Variants in WWOX observed in about 807,000 individuals in gnomAD.
WWOX encodes the protein WW domain containing oxidoreductase, also known as WW domain-containing oxidoreductase.
In WWOX, 69 loss-of-function variants were observed where a neutral mutation model predicts 46.2. The observed-to-expected ratio is 1.49, with a 90% CI of 1.23 to 1.82. The LOEUF is 1.82. Ranked by LOEUF, WWOX falls within the 40% of genes most tolerant of loss-of-function variation. WWOX has a pLI of 0.00. For missense variants in WWOX, 919 were observed against 542.6 expected, an observed-to-expected ratio of 1.69 and a Z score of -6.89; for synonymous variants, 359 against 202.6, an observed-to-expected ratio of 1.77 and a Z score of -6.56.
chr16:78,670,249 C>A (rs2047428096), intron 8 of WWOX, among the ~76,000 whole-genome samples: 1 of 152,124 alleles, frequency 6.6e-6, no homozygotes, highest in South Asian at 2.1e-4. Context: ...GAATGCCAGC[C>A]ACTCTTCTAC....
intron 8 of WWOX, among the ~76,000 whole-genome samples, chr16:78,757,306 T>C (rs917083860): frequency 2.7e-5 from 4 of 149,130 alleles, no homozygotes; most frequent in East Asian, 2.0e-4. Flanking sequence ...AACCAGTTAA[T>C]TGTTACTTTC....
At chr16:78,685,333 C>A (rs969609641) in intron 8 of WWOX, among the ~76,000 whole-genome samples, 4 of 152,100 alleles carry the variant, frequency 2.6e-5, no homozygotes, top group African/African-American at 9.7e-5. Flanking sequence ...TAATAACTTT[C>A]ATTCTGTGAT....
At chr16:78,961,082 T>C (rs930917092) in intron 8 of WWOX, among the ~76,000 whole-genome samples, 2 of 152,120 alleles carry the variant, frequency 1.3e-5, no homozygotes, top group African/African-American at 4.8e-5. Flanking sequence ...GACTCAGGTG[T>C]TCTCAGCTCA....
At chr16:78,464,002 G>C (rs1050060239) in intron 8 of WWOX, among the ~76,000 whole-genome samples, 3 of 152,156 alleles carry the variant, frequency 2.0e-5, no homozygotes, top group African/African-American at 7.2e-5. Flanking sequence ...TGATCTGGCG[G>C]TCAGAACCTA....
chr16:78,479,593 C>G (rs756513097), intron 8 of WWOX, among the ~76,000 whole-genome samples: 1 of 152,124 alleles, frequency 6.6e-6, no homozygotes, highest in Admixed American at 6.5e-5. Flanking sequence ...ATGTCCCATT[C>G]CCTAGAATAG....
chr16:79,161,144 T>G (rs1375505075), intron 8 of WWOX, among the ~76,000 whole-genome samples: 2 of 152,210 alleles, frequency 1.3e-5, no homozygotes, highest in African/African-American at 2.4e-5. Context: ...ATAAGGCAAT[T>G]CTGGACTCAC....
At chr16:79,143,764 G>A (rs1166240210) in intron 8 of WWOX, among the ~76,000 whole-genome samples, 5 of 152,116 alleles carry the variant, frequency 3.3e-5, no homozygotes, top group Admixed American at 1.3e-4. Context: ...GGAAACTGGG[G>A]CACAGAGGTG....
At chr16:78,802,046 G>C (rs931390820) in intron 8 of WWOX, among the ~76,000 whole-genome samples, 44 of 152,058 alleles carry the variant, frequency 2.9e-4, no homozygotes, top group African/African-American at 9.9e-4. Context: ...GCTTCTCCTG[G>C]CTCTGCTGGT....
At chr16:78,420,437 A>G (rs2082897086) in intron 6 of WWOX, among the ~76,000 whole-genome samples, 1 of 152,180 alleles carries the variant, frequency 6.6e-6, no homozygotes, top group Admixed American at 6.5e-5. Context: ...TTTGCCCATT[A>G]AAAAGAAATG....
At chr16:78,470,052 G>C (rs898488668) in intron 8 of WWOX, among the ~76,000 whole-genome samples, 9 of 152,186 alleles carry the variant, frequency 5.9e-5, no homozygotes, top group African/African-American at 2.2e-4. Flanking sequence ...GTTTATGTAA[G>C]ATCCATAATG....
chr16:78,280,673 G>T (rs1019056012), intron 5 of WWOX, among the ~76,000 whole-genome samples: 1 of 151,860 alleles, frequency 6.6e-6, no homozygotes, highest in Non-Finnish European at 1.5e-5. Flanking sequence ...GGGGGTGGGA[G>T]GTGCCCCACT....
At chr16:78,677,424 G>C (rs542685090) in intron 8 of WWOX, among the ~76,000 whole-genome samples, 1 of 152,246 alleles carries the variant, frequency 6.6e-6, no homozygotes, top group Admixed American at 6.5e-5. Flanking sequence ...GCTTGCCAAC[G>C]TTTTCAAGTT....
intron 8 of WWOX, among the ~76,000 whole-genome samples, chr16:79,192,558 G>T (rs561477662): frequency 1.3e-5 from 2 of 152,334 alleles, no homozygotes; most frequent in Non-Finnish European, 2.9e-5. Context: ...ATTGGTCAAG[G>T]AAAGGTTTAG....
At chr16:78,679,288 C>T (rs1396024254) in intron 8 of WWOX, among the ~76,000 whole-genome samples, 4 of 152,144 alleles carry the variant, frequency 2.6e-5, no homozygotes, top group South Asian at 2.1e-4. Context: ...CAGTGGGTTG[C>T]GCCTGTAATC....
Position 79,073,203 on chromosome 16 carries a change from G to A in WWOX, c.1057-138405G>A, listed in dbSNP as rs1347889817. 6.1e-5 allele frequency among the ~76,000 whole-genome samples: 9 copies of A among 147,090 alleles called. 1 individual carries two copies. The highest frequency in any genetic ancestry group is 2.0e-4 in the African/African-American group (8 of 40,090). ...TTATTATTATTATTACTGAGACACCGTTTTACTCTCTCTTTGCCCAGGCTG... is the reference window on the plus strand; with the variant it reads ...TTATTATTATTATTACTGAGACACCATTTTACTCTCTCTTTGCCCAGGCTG... On this transcript the variant is annotated intron_variant, in intron 8 of 8. Transcript: ENST00000566780.
chr16:78,930,557 C>G (rs1420911061), intron 8 of WWOX, among the ~76,000 whole-genome samples: 1 of 149,132 alleles, frequency 6.7e-6, no homozygotes, highest in African/African-American at 2.5e-5. Context: ...TCCCAAAGTG[C>G]TGGGATCACA....
intron 3 of WWOX, among the ~76,000 whole-genome samples, chr16:78,110,346 A>G (rs1457657641): frequency 6.6e-6 from 1 of 151,198 alleles, no homozygotes; most frequent in South Asian, 2.1e-4. Flanking sequence ...TCTCAAAAAA[A>G]AAAAAAAAAA....
intron 8 of WWOX, among the ~76,000 whole-genome samples, chr16:79,104,288 A>G (rs2049264073): frequency 6.6e-6 from 1 of 152,166 alleles, no homozygotes; most frequent in Non-Finnish European, 1.5e-5. Flanking sequence ...TGTTTTGGTA[A>G]AACCTCAGTT....
chr16:78,813,546 G>C (rs547090311), intron 8 of WWOX, among the ~76,000 whole-genome samples: 5 of 152,214 alleles, frequency 3.3e-5, no homozygotes, highest in African/African-American at 1.2e-4. Flanking sequence ...GTCTGGCTTT[G>C]ATGTATGTAT....
Sources: allele counts gnomAD v4.1 joint callset (sites outside exome capture counted in the v4.1 genomes callset), GRCh38; gene constraint gnomAD v4.1.1; transcripts MANE v1.5; gene names NCBI Gene and HGNC (gene_info 2026-07-23, HGNC 2026-07-21).